Variants in IMMP2L observed in about 807,000 individuals in gnomAD.
The protein encoded by IMMP2L is inner mitochondrial membrane peptidase subunit 2, also known as mitochondrial inner membrane protease subunit 2.
IMMP2L carries 18 observed loss-of-function variants against 19.3 expected under a neutral mutation model. The ratio of observed to expected loss-of-function variants is 0.93; its 90% CI spans 0.64 to 1.38. The LOEUF (loss-of-function observed/expected upper bound fraction) is 1.38, where lower values mean the gene tolerates loss of function less well. Among genes scored for constraint, IMMP2L ranks in the 40% most tolerant of loss-of-function variants. The pLI, the probability that IMMP2L is intolerant of heterozygous loss-of-function variation, is 0.00. For missense variants in IMMP2L, 233 were observed against 218.2 expected (o/e 1.07, Z -0.43); for synonymous variants, 76 against 73.0 (o/e 1.04, Z -0.21).
In IMMP2L at chr7:111,197,195, G is replaced by C. The variant is rs180769195; in HGVS notation, c.240-233630C>G. On this transcript the variant is annotated intron_variant, in intron 3 of 5. Coordinates refer to ENST00000405709, the MANE Select transcript of IMMP2L (RefSeq NM_032549.4). Reference sequence around the variant, plus strand: ...AACAAAGTATTGGCTGGGCTCGGTGGCTCACGCCTGTAATCCCAGCACTTT... The same window carrying C: ...AACAAAGTATTGGCTGGGCTCGGTGCCTCACGCCTGTAATCCCAGCACTTT... Among the ~76,000 whole-genome samples the C allele has an allele frequency of 3.3e-4, 50 of 152,278 alleles. No homozygotes were observed. In the East Asian group the frequency reaches 9.3e-3, roughly 28 times the overall value.
chr7:110,731,285 T>C (rs905468913), intron 5 of IMMP2L, among the ~76,000 whole-genome samples: 2 of 152,180 alleles, frequency 1.3e-5, no homozygotes, highest in Non-Finnish European at 2.9e-5. Flanking sequence ...TTTTAGTATA[T>C]AGAATATCAT....
At chr7:111,269,650 T>TTA (rs1554421186) in intron 3 of IMMP2L, among the ~76,000 whole-genome samples, 2 of 151,042 alleles carry the variant, frequency 1.3e-5, no homozygotes, top group African/African-American at 4.9e-5. Flanking sequence ...CAGTTTTTTT[T>TTA]AAAAAAAAAC....
At chr7:111,371,780 T>C (rs1318094359) in intron 3 of IMMP2L, among the ~76,000 whole-genome samples, 1 of 152,064 alleles carries the variant, frequency 6.6e-6, no homozygotes, top group African/African-American at 2.4e-5. Context: ...GGTGTAGTCA[T>C]ATGTTTATGT....
chr7:111,257,658 GT>G (rs1440260800), intron 3 of IMMP2L, among the ~76,000 whole-genome samples: 1 of 151,944 alleles, frequency 6.6e-6, no homozygotes, highest in Non-Finnish European at 1.5e-5. Context: ...CTACTGATTC[GT>G]TTCTCTATAA....
intron 3 of IMMP2L, among the ~76,000 whole-genome samples, chr7:111,336,670 T>C (rs932068054): frequency 5.3e-5 from 8 of 152,048 alleles, no homozygotes; most frequent in Non-Finnish European, 7.4e-5. Context: ...CCTATTTTGT[T>C]ATATAATTTC....
chr7:111,197,101 T>C (rs188218423), intron 3 of IMMP2L, among the ~76,000 whole-genome samples: 2 of 152,078 alleles, frequency 1.3e-5, no homozygotes, highest in Admixed American at 1.3e-4. Flanking sequence ...GCCCAGAAAA[T>C]ACTGAAAAGG....
At chr7:110,791,494 T>C (rs913435523) in intron 5 of IMMP2L, among the ~76,000 whole-genome samples, 5 of 129,358 alleles carry the variant, frequency 3.9e-5, no homozygotes, top group African/African-American at 1.5e-4. Flanking sequence ...GACATACATA[T>C]ATTTTAACAT....
rs183124767 is a variant in IMMP2L, at chr7:110,890,989, T to C, written c.306-4294A>G. ...CCCAAATACATATACACACACACACTCTTAAGTAGGTCATTTATATTAATA... is the reference window on the plus strand; with the variant it reads ...CCCAAATACATATACACACACACACCCTTAAGTAGGTCATTTATATTAATA... On this transcript the variant is annotated intron_variant, in intron 4 of 5. Coordinates refer to ENST00000405709, the MANE Select transcript of IMMP2L (RefSeq NM_032549.4). Among the ~76,000 whole-genome samples, 237 of 152,162 alleles carry C rather than the reference T, an allele frequency of 1.6e-3. 1 individual carries two copies. The highest frequency in any genetic ancestry group is 5.5e-3 in the African/African-American group (228 of 41,542).
chr7:111,176,279 G>C (rs565628742), intron 3 of IMMP2L, among the ~76,000 whole-genome samples: 7 of 151,896 alleles, frequency 4.6e-5, no homozygotes, highest in Non-Finnish European at 1.0e-4. Context: ...ACACCCAAAA[G>C]AAATAAAATC....
chr7:110,833,112 C>A (rs1252227033), intron 5 of IMMP2L, among the ~76,000 whole-genome samples: 1 of 152,074 alleles, frequency 6.6e-6, no homozygotes, highest in Non-Finnish European at 1.5e-5. Flanking sequence ...GATATTCATT[C>A]TAGAACAAGA....
chr7:111,090,112 T>C (rs751090854), intron 3 of IMMP2L, among the ~76,000 whole-genome samples: 1 of 152,118 alleles, frequency 6.6e-6, no homozygotes, highest in Non-Finnish European at 1.5e-5. Context: ...GATGTTTCTC[T>C]AGTATACTAA....
chr7:111,334,129 T>C (rs566692312), intron 3 of IMMP2L, among the ~76,000 whole-genome samples: 1 of 152,060 alleles, frequency 6.6e-6, no homozygotes, highest in South Asian at 2.1e-4. Flanking sequence ...ACATATGTAA[T>C]TTATCATCTA....
At chr7:111,268,788 T>C (rs980114533) in intron 3 of IMMP2L, among the ~76,000 whole-genome samples, 30 of 151,678 alleles carry the variant, frequency 2.0e-4, no homozygotes, top group Non-Finnish European at 3.2e-4. Context: ...TATGTAGAAA[T>C]GCAACCTCAC....
At chr7:110,692,355 G>A (rs1793571756) in intron 5 of IMMP2L, among the ~76,000 whole-genome samples, 2 of 152,076 alleles carry the variant, frequency 1.3e-5, no homozygotes, top group African/African-American at 4.8e-5. Context: ...GGGAATAAAT[G>A]GGAGGAGGGT....
chr7:111,241,617 CT>C (rs779177359), intron 3 of IMMP2L, among the ~76,000 whole-genome samples: 1 of 151,780 alleles, frequency 6.6e-6, no homozygotes, highest in Non-Finnish European at 1.5e-5. Context: ...CAAAATGCAA[CT>C]TGTTATGGCA....
At chr7:110,971,692 G>A (rs1277577326) in intron 3 of IMMP2L, among the ~76,000 whole-genome samples, 1 of 152,010 alleles carries the variant, frequency 6.6e-6, no homozygotes, top group African/African-American at 2.4e-5. Flanking sequence ...GCTTGCAATA[G>A]GACACTTAAA....
intron 3 of IMMP2L, among the ~76,000 whole-genome samples, chr7:111,033,405 G>T (rs1015620141): frequency 2.0e-5 from 3 of 152,070 alleles, no homozygotes; most frequent in Non-Finnish European, 2.9e-5. Flanking sequence ...TTTGAAAGAG[G>T]GTTTGGCAGT....
At chr7:110,750,872 T>C (rs1004470994) in intron 5 of IMMP2L, among the ~76,000 whole-genome samples, 1 of 152,012 alleles carries the variant, frequency 6.6e-6, no homozygotes, top group Admixed American at 6.6e-5. Context: ...ACAAACAATA[T>C]TTTAATGAAA....
In IMMP2L at chr7:111,123,943, C is replaced by A; in HGVS notation, c.240-160378G>T. 1.2e-6 allele frequency: 2 copies of A among 1,613,978 alleles called. No homozygotes were observed. The highest frequency in any genetic ancestry group is 2.2e-5 in the South Asian group (2 of 91,074). ...CAAAACCAACATTCGATTCATGGAG[C>A]CAGATTCACTGTTTTGCGTGGACCC... On this transcript the variant is annotated intron_variant, in intron 3 of 5. Coordinates refer to ENST00000405709, the MANE Select transcript of IMMP2L (RefSeq NM_032549.4). The surrounding 1 kb of genome is among the most constrained non-coding windows in gnomAD (Gnocchi z 6.4).
Sources: allele counts gnomAD v4.1 joint callset (sites outside exome capture counted in the v4.1 genomes callset), GRCh38; gene constraint gnomAD v4.1.1; non-coding constraint Gnocchi (gnomAD v3.1); transcripts MANE v1.5; gene names NCBI Gene and HGNC (gene_info 2026-07-23, HGNC 2026-07-21).